Variants in MYH2 observed in about 807,000 individuals in gnomAD.
MYH2 encodes the protein myosin heavy chain 2.
Under a neutral mutation model 228.1 loss-of-function variants are expected in MYH2, and 139 were observed. The observed-to-expected ratio is 0.61, with a 90% CI of 0.53 to 0.70. The LOEUF is 0.70. Among genes scored for constraint, MYH2 ranks in the 30% least tolerant of loss-of-function variants. The pLI is 0.00. For missense variants in MYH2, 1,809 were observed against 2,357.5 expected (o/e 0.77, Z 4.82); for synonymous variants, 796 against 871.1 (o/e 0.91, Z 1.52).
At position 10,527,838 on chromosome 17, in the gene MYH2, G is replaced by C. The variant is rs2073372791; in HGVS notation, c.3781C>G (p.Gln1261Glu). ...LEKMCRTLED[Q>E]LSELKSKEEE... ...TCCTTTGATTTCAGTTCACTCAGTT[G>C]GTCCTCTAGAGTCCGGCACATTTTC... is the stretch of plus-strand genomic sequence containing the variant. Residue 1261 changes from glutamine (Q) to glutamate (E), a missense_variant, in exon 28 of 40, where the codon CAA (glutamine) becomes GAA (glutamate). Transcript: ENST00000245503. The C allele has an allele frequency of 6.2e-7, 1 of 1,613,704 alleles. No individual in the cohort carries two copies. Among genetic ancestry groups the C allele is most frequent in the Non-Finnish European group, 8.5e-7 (1 of 1,180,008 alleles).
chr17:10,524,863 T>C lies in MYH2; in HGVS notation c.4865A>G (p.Lys1622Arg). Residue 1622 changes from lysine to arginine, a missense_variant, in exon 34 of 40, where the codon AAG becomes AGG. Physicochemically the swap from Lys to Arg is conservative, Grantham distance 26. Coordinates refer to ENST00000245503, the MANE Select transcript of MYH2 (RefSeq NM_017534.6). This position sits in a 1 kb window ranked among gnomAD's most constrained non-coding sequence, Gnocchi z 4.7. ...RSRNDAIRLK[K>R]KMEGDLNEME... ...TTCATTGAGGTCTCCCTCCATCTTC[T>C]TCTTGAGCCTAATGGCATCATTCCT... The C allele has an allele frequency of 1.2e-6, 2 of 1,614,142 alleles. No homozygotes were observed. The highest frequency in any genetic ancestry group is 1.7e-6 in the Non-Finnish European group (2 of 1,180,030).
At chr17:10,527,238 C>T (rs925078088) in intron 28 of MYH2, among the ~76,000 whole-genome samples, 182 bp from the exon 29 acceptor site, 4 of 152,172 alleles carry the variant, frequency 2.6e-5, no homozygotes, top group African/African-American at 9.7e-5. Context: ...TCAGATCAAT[C>T]GGAATGAATA....
chr17:10,529,003 T>C lies in MYH2; in HGVS notation c.3431A>G (p.Asp1144Gly), dbSNP rs752116558. 7 of 1,614,018 alleles carry C rather than the reference T, an allele frequency of 4.3e-6. No individual in the cohort carries two copies. In the Admixed American group the frequency reaches 1.2e-4, roughly 27 times the overall value. ...SRAKAEKQRS[D>G]LSRELEEISE... ...GATCTCCTCCAGCTCCCGGGAGAGG[T>C]CAGAGCGCTGCTTCTCTGCTTTGGC... The change falls in exon 27 of 40, where the codon GAC (aspartate) becomes GGC (glycine). Residue 1144 changes from aspartate to glycine, a missense_variant. By Grantham distance (94) the Asp-to-Gly change is moderately conservative. Transcript: ENST00000245503.
Position 10,547,737 on chromosome 17 carries a change from C to G in MYH2, c.184G>C (p.Val62Leu), listed in dbSNP as rs137996115. ...IQSREGGKVTVKTEGGATLTV... is the reference protein window; with the variant it reads ...IQSREGGKVTLKTEGGATLTV... ...CTCACCGCTCCTCCCTCAGTCTTCA[C>G]CGTCACTTTTCCTCCTTCTCTGCTC... Residue 62 changes from valine to leucine, a missense_variant, in exon 3 of 40, where the codon GTG becomes CTG. By Grantham distance (32) the Val-to-Leu change is conservative (BLOSUM62 1). Transcript: ENST00000245503. 4.3e-6 allele frequency: 7 copies of G among 1,614,124 alleles called. No homozygotes were observed. The highest frequency in any genetic ancestry group is 2.7e-5 in the African/African-American group (2 of 74,946).
In MYH2 at chr17:10,535,366, C is replaced by G. The variant is rs201082272; in HGVS notation, c.1975-1G>C. The G allele has an allele frequency of 5.6e-6, 9 of 1,613,558 alleles. No homozygotes were observed. Among genetic ancestry groups the G allele is most frequent in the Admixed American group, 1.7e-5 (1 of 59,978 alleles). On this transcript the variant is annotated splice_acceptor_variant, in intron 17 of 39. Coordinates refer to ENST00000245503, the MANE Select transcript of MYH2 (RefSeq NM_017534.6). LOFTEE classifies it high-confidence loss of function. ...TGGTCATCAGCTTGTTCAAATTCTCCTGTAAAACCAGGAAAAATCCTGTCA... is the reference window on the plus strand; with the variant it reads ...TGGTCATCAGCTTGTTCAAATTCTCGTGTAAAACCAGGAAAAATCCTGTCA...
In MYH2 at chr17:10,547,480, T is replaced by C. The variant is rs781687668; in HGVS notation, c.343A>G (p.Ile115Val). Residue 115 changes from isoleucine (I) to valine (V), a missense_variant, in exon 4 of 40, where the codon ATC (isoleucine) becomes GTC (valine). This residue lies in a region of MYH2 where 373 missense variants were observed against 620.4 expected (regional missense o/e 0.60). Coordinates refer to ENST00000245503, the MANE Select transcript of MYH2 (RefSeq NM_017534.6). ...NLKERYAAWM[I>V]YTYSGLFCVT... ...CACTGGCAGGGGACACTCACGTAGA[T>C]CATCCAGGCTGCATAACGTTCTTTG... is the stretch of plus-strand genomic sequence containing the variant. The C allele has an allele frequency of 6.8e-6, 11 of 1,614,000 alleles. No individual in the cohort carries two copies. The African/African-American group carries it at 1.3e-4, about 20-fold the overall frequency.
chr17:10,523,842 T>G lies in MYH2; in HGVS notation c.5218A>C (p.Ile1740Leu). ...INTKKKLETD[I>L]SQMQGEMEDI... is the part of the protein sequence containing the mutation. ...TCCATCTCTCCTTGCATTTGGGAAATATCTGTCTCCAGCTTCTTCTTGGTG... is the reference window on the plus strand; with the variant it reads ...TCCATCTCTCCTTGCATTTGGGAAAGATCTGTCTCCAGCTTCTTCTTGGTG... Residue 1740 changes from isoleucine to leucine, a missense_variant, in exon 36 of 40, where the codon ATT (isoleucine) becomes CTT (leucine). Transcript: ENST00000245503. 6.2e-7 allele frequency: 1 copy of G among 1,614,092 alleles called. No homozygotes were observed. The highest frequency in any genetic ancestry group is 8.5e-7 in the Non-Finnish European group (1 of 1,179,948).
intron 28 of MYH2, 128 bp downstream of exon 28, chr17:10,527,620 G>A: frequency 1.0e-5 from 15 of 1,445,190 alleles, no homozygotes; most frequent in Non-Finnish European, 1.3e-5. Context: ...TAGGTCAGGT[G>A]TCTGAGCTGT....
chr17:10,545,014 AGT>A (rs112057904), intron 5 of MYH2, among the ~76,000 whole-genome samples: 85 of 150,480 alleles, frequency 5.6e-4, no homozygotes, highest in African/African-American at 1.1e-3. Flanking sequence ...TGCGTGCATG[AGT>A]GTGTGTGTGT....
rs764469097 is a variant in MYH2, at chr17:10,529,971, T to C, written c.2801A>G (p.Asp934Gly). The stretch of plus-strand genomic sequence containing the variant: ...CAGCTCAGCATTGATCTCTTCCTCA[T>C]CCTCAGCTCTCTCAGTCACCTCTTT... ...KIKEVTERAE[D>G]EEEINAELTA... Residue 934 changes from aspartate to glycine, a missense_variant, in exon 23 of 40, where the codon GAT becomes GGT. Transcript: ENST00000245503. 5.0e-6 allele frequency: 8 copies of C among 1,613,966 alleles called. No individual in the cohort carries two copies. Among genetic ancestry groups the C allele is most frequent in the Non-Finnish European group, 6.8e-6 (8 of 1,179,976 alleles).
At chr17:10,522,186 T>C (rs957229797) in intron 39 of MYH2, among the ~76,000 whole-genome samples, 2 of 152,190 alleles carry the variant, frequency 1.3e-5, no homozygotes, top group African/African-American at 4.8e-5. Context: ...TGGGGGATTA[T>C]CTGTTCCTTG....
intron 24 of MYH2, 27 bp downstream of exon 24, chr17:10,529,537 G>C: frequency 6.2e-7 from 1 of 1,614,162 alleles, no homozygotes; most frequent in Non-Finnish European, 8.5e-7. Context: ...TAGAAGAAAA[G>C]AATGTCCTTG....
Position 10,524,627 on chromosome 17 carries a change from C to T in MYH2, c.5014G>A (p.Asp1672Asn), listed in dbSNP as rs1204274669. 2.5e-6 allele frequency: 4 copies of T among 1,614,236 alleles called. No individual in the cohort carries two copies. Among genetic ancestry groups the T allele is most frequent in the Non-Finnish European group, 3.4e-6 (4 of 1,180,040 alleles). ...HLDDALRSQE[D>N]LKEQLAMVER... ...ACCATGGCCAGCTGTTCCTTCAGGT[C>T]CTCCTGGCTCCGGAGAGCATCATCC... The change falls in exon 35 of 40, where the codon GAC becomes AAC. Residue 1672 changes from aspartate (D) to asparagine (N), a missense_variant. Asp to Asn is a conservative substitution (Grantham distance 23, BLOSUM62 1). Transcript: ENST00000245503. This position sits in a 1 kb window ranked among gnomAD's most constrained non-coding sequence, Gnocchi z 4.7.
intron 10 of MYH2, among the ~76,000 whole-genome samples, chr17:10,541,871 A>G (rs1378457031): frequency 6.6e-6 from 1 of 152,230 alleles, no homozygotes; most frequent in Non-Finnish European, 1.5e-5. Context: ...CCGATATCAC[A>G]TGATGCTTTG....
Position 10,531,645 on chromosome 17 carries a change from G to T in MYH2, c.2685C>A (p.Leu895=), listed in dbSNP as rs1354563915. The part of the protein sequence containing the change: ...TLLKEKNDLQ[L]QVQAEAEGLA... ...TATTCCAACTCACAGCCTGAACTTG[G>T]AGCTGCAAGTCATTTTTTTCTTTCA... Residue 895 remains leucine (L), a synonymous_variant, in exon 22 of 40, where the codon CTC becomes CTA. Transcript: ENST00000245503. 3.1e-6 allele frequency: 5 copies of T among 1,614,014 alleles called. No individual in the cohort carries two copies. In the East Asian group the frequency reaches 1.1e-4, roughly 36 times the overall value.
intron 21 of MYH2, 123 bp downstream of exon 21, chr17:10,533,162 C>T: frequency 7.0e-7 from 1 of 1,426,350 alleles, no homozygotes; most frequent in Non-Finnish European, 9.7e-7. Context: ...TGTATTCCCA[C>T]TTCATTATAG....
At chr17:10,543,075 T>C in intron 9 of MYH2, 23 bp downstream of exon 9, 1 of 1,605,718 alleles carries the variant, frequency 6.2e-7, no homozygotes, top group Non-Finnish European at 8.5e-7. Context: ...CAGAAATGAT[T>C]TTAAAGATAT....
Position 10,544,015 on chromosome 17 carries a change from C to T in MYH2, c.535G>A (p.Gly179Arg), listed in dbSNP as rs1295825792. The change falls in exon 7 of 40, where the codon GGA (glycine) becomes AGA (arginine). Residue 179 changes from glycine (G) to arginine (R), a missense_variant and splice_region_variant. By Grantham distance (125) the Gly-to-Arg change is moderately radical. Transcript: ENST00000245503. ...DRENQSILIT[G>R]ESGAGKTVNT... is the part of the protein sequence containing the mutation. ...ACAGTCTTCCCTGCACCAGATTCTC[C>T]ACTGTCAAATCAAAACTCAATCAGA... 6.2e-7 allele frequency: 1 copy of T among 1,614,206 alleles called. No homozygotes were observed. The highest frequency in any genetic ancestry group is 8.5e-7 in the Non-Finnish European group (1 of 1,180,034).
In MYH2 at chr17:10,524,712, G is replaced by A. The variant is rs755263244; in HGVS notation, c.4972-43C>T. 6 of 1,614,112 alleles carry A rather than the reference G, an allele frequency of 3.7e-6. No homozygotes were observed. The highest frequency in any genetic ancestry group is 5.1e-6 in the Non-Finnish European group (6 of 1,180,052). On this transcript the variant is annotated intron_variant, in intron 34 of 39. Transcript: ENST00000245503. This position sits in a 1 kb window ranked among gnomAD's most constrained non-coding sequence, Gnocchi z 4.7. ...ATTGAGACATCATGTTCTCAGGGTTGCAGGCACCCCAATAGTCCTGGGACC... is the reference window on the plus strand; with the variant it reads ...ATTGAGACATCATGTTCTCAGGGTTACAGGCACCCCAATAGTCCTGGGACC...
Sources: gnomAD v4.1 joint callset for allele counts (sites outside exome capture counted in the v4.1 genomes callset) on GRCh38, gnomAD v4.1.1 for gene constraint, gnomAD v4.1.1 regional missense constraint, Gnocchi (gnomAD v3.1) non-coding constraint, MANE v1.5 for transcripts, NCBI Gene and HGNC (gene_info 2026-07-23, HGNC 2026-07-21) for gene names.